MTUS1: variants seen among roughly 807,000 people sequenced by gnomAD.
The protein encoded by MTUS1 is microtubule associated scaffold protein 1.
In MTUS1, 109 loss-of-function variants were observed where a neutral mutation model predicts 120.8. The ratio of observed to expected loss-of-function variants is 0.90; its 90% CI spans 0.77 to 1.06. The LOEUF (loss-of-function observed/expected upper bound fraction) is 1.06. MTUS1 is among the 50% of genes least tolerant of loss of function. The pLI is 0.00. For missense variants in MTUS1, 2,210 were observed against 1,486.3 expected (o/e 1.49, Z -8.01); for synonymous variants, 737 against 550.5 (o/e 1.34, Z -4.74).
At chr8:17,712,539 A>G (rs76065758) in intron 6 of MTUS1, among the ~76,000 whole-genome samples, 3 of 152,076 alleles carry the variant, frequency 2.0e-5, no homozygotes, top group African/African-American at 2.4e-5. Flanking sequence ...GGGTTTCACC[A>G]TGTTGGCCAG....
intron 8 of MTUS1, among the ~76,000 whole-genome samples, chr8:17,665,465 C>G (rs528548014): frequency 1.3e-5 from 2 of 152,184 alleles, no homozygotes; most frequent in Non-Finnish European, 2.9e-5. Context: ...TATCAGACAT[C>G]TCATTTTACC....
intron 3 of MTUS1, among the ~76,000 whole-genome samples, chr8:17,738,320 G>A (rs1586062392): frequency 6.6e-6 from 1 of 152,170 alleles, no homozygotes; most frequent in East Asian, 1.9e-4. Context: ...CAGCTCACAG[G>A]AGTCACGGGG....
At chr8:17,687,402 A>G (rs1816052243) in intron 6 of MTUS1, among the ~76,000 whole-genome samples, 2 of 152,218 alleles carry the variant, frequency 1.3e-5, no homozygotes, top group Non-Finnish European at 1.5e-5. Context: ...AGTACTGAAA[A>G]GCCAGGGGTT....
intron 8 of MTUS1, among the ~76,000 whole-genome samples, chr8:17,656,854 G>A (rs1405629286): frequency 1.3e-5 from 2 of 151,630 alleles, no homozygotes; most frequent in Non-Finnish European, 2.9e-5. Context: ...GGTGGATCAT[G>A]AGGTCAGGAG....
intron 1 of MTUS1, among the ~76,000 whole-genome samples, chr8:17,759,669 T>C (rs1054757137): frequency 2.0e-5 from 3 of 148,766 alleles, no homozygotes; most frequent in East Asian, 3.9e-4. Context: ...AAAATATATA[T>C]ATTATATACT....
chr8:17,674,217 G>T (rs28660237), intron 8 of MTUS1, among the ~76,000 whole-genome samples: 18 of 151,804 alleles, frequency 1.2e-4, no homozygotes, highest in African/African-American at 4.1e-4. Context: ...GTCAAGAGAT[G>T]GAGACCCTCC....
At chr8:17,699,640 T>C (rs79420044) in intron 6 of MTUS1, among the ~76,000 whole-genome samples, 2 of 152,348 alleles carry the variant, frequency 1.3e-5, no homozygotes, top group African/African-American at 2.4e-5. Context: ...ACCACACATA[T>C]TGAAAATAAA....
At chr8:17,762,777 C>G (rs2049142360) in intron 1 of MTUS1, among the ~76,000 whole-genome samples, 1 of 144,374 alleles carries the variant, frequency 6.9e-6, no homozygotes, top group African/African-American at 2.4e-5. Flanking sequence ...CACAAATCAA[C>G]TGGGCCTTTG....
intron 1 of MTUS1, among the ~76,000 whole-genome samples, chr8:17,784,692 C>T (rs753024353): frequency 1.2e-4 from 18 of 152,152 alleles, no homozygotes; most frequent in African/African-American, 4.1e-4. Context: ...GAACAGTCTC[C>T]GAGAAGTTCC....
intron 6 of MTUS1, among the ~76,000 whole-genome samples, chr8:17,711,723 A>G (rs950058928): frequency 2.0e-5 from 3 of 152,220 alleles, no homozygotes; most frequent in Admixed American, 6.5e-5. Flanking sequence ...TGGCTTCTGA[A>G]TTATCCTGGC....
chr8:17,666,962 A>G (rs1384922887), intron 8 of MTUS1, among the ~76,000 whole-genome samples: 1 of 152,212 alleles, frequency 6.6e-6, no homozygotes, highest in African/African-American at 2.4e-5. Context: ...CTGCATTTCA[A>G]CCAGGTCTAT....
intron 12 of MTUS1, among the ~76,000 whole-genome samples, chr8:17,651,316 T>C (rs1165216687): frequency 6.6e-6 from 1 of 151,916 alleles, no homozygotes; most frequent in Non-Finnish European, 1.5e-5. Context: ...AATAATATAT[T>C]GCGTACTTCA....
chr8:17,783,949 A>G (rs1241804759), intron 1 of MTUS1, among the ~76,000 whole-genome samples: 1 of 152,164 alleles, frequency 6.6e-6, no homozygotes, highest in Non-Finnish European at 1.5e-5. Flanking sequence ...AGATGAATGC[A>G]ATGAAGATTT....
At chr8:17,770,174 TTTGA>T (rs1400829735) in intron 1 of MTUS1, among the ~76,000 whole-genome samples, 1 of 152,222 alleles carries the variant, frequency 6.6e-6, no homozygotes, top group Non-Finnish European at 1.5e-5. Context: ...GAGCCCTGCA[TTTGA>T]TTATTATCCT....
chr8:17,749,427 G>A (rs1343664592), intron 2 of MTUS1, among the ~76,000 whole-genome samples: 1 of 151,994 alleles, frequency 6.6e-6, no homozygotes, highest in African/African-American at 2.4e-5. Flanking sequence ...GAGAAGCCGA[G>A]GTGGGCAGAT....
At chr8:17,646,474 G>C (rs187368275) in intron 14 of MTUS1, among the ~76,000 whole-genome samples, 2 of 152,250 alleles carry the variant, frequency 1.3e-5, no homozygotes, top group Admixed American at 1.3e-4. Flanking sequence ...TGTAGTCCCA[G>C]CTACTCAGGA....
intron 3 of MTUS1, among the ~76,000 whole-genome samples, chr8:17,740,247 G>A (rs1215447770): frequency 6.6e-6 from 1 of 152,040 alleles, no homozygotes; most frequent in East Asian, 1.9e-4. Flanking sequence ...AAGAACAGCT[G>A]TGTTGGGTTT....
At chr8:17,647,429 T>A (rs1182650935) in intron 13 of MTUS1, among the ~76,000 whole-genome samples, 3 of 151,352 alleles carry the variant, frequency 2.0e-5, no homozygotes, top group Admixed American at 2.0e-4. Context: ...TATCAAAGCT[T>A]ATCTATCTCC....
chr8:17,758,088 A>T (rs2048759101), intron 1 of MTUS1: 1 of 152,234 alleles, frequency 6.6e-6, no homozygotes. Flanking sequence ...AAGAAAAAAA[A>T]ATATCCATGA....
Sources: allele counts gnomAD v4.1 joint callset (sites outside exome capture counted in the v4.1 genomes callset), GRCh38; gene constraint gnomAD v4.1.1; transcripts MANE v1.5; gene names NCBI Gene and HGNC (gene_info 2026-07-23, HGNC 2026-07-21).